GTF2E2: variants seen among roughly 807,000 people sequenced by gnomAD.
The protein encoded by GTF2E2 is transcription initiation factor IIE subunit beta.
Under a neutral mutation model 40.5 loss-of-function variants are expected in GTF2E2, and 21 were observed. The ratio of observed to expected loss-of-function variants is 0.52; its 90% CI spans 0.37 to 0.75. The LOEUF (loss-of-function observed/expected upper bound fraction) is 0.75. GTF2E2 is among the 30% of genes least tolerant of loss of function. The pLI is 0.00. For synonymous variants in GTF2E2, 117 were observed against 121.6 expected, an observed-to-expected ratio of 0.96 and a Z score of 0.25; for missense variants, 298 against 338.4, an observed-to-expected ratio of 0.88 and a Z score of 0.94.
At chr8:30,625,035 C>T (rs976515755) in intron 3 of GTF2E2, among the ~76,000 whole-genome samples, 47 of 151,848 alleles carry the variant, frequency 3.1e-4, no homozygotes, top group Admixed American at 2.7e-3. Flanking sequence ...CCAGAACTTC[C>T]AACACTATGT....
chr8:30,645,361 G>A, intron 2 of GTF2E2: 1 of 1,535,634 alleles, frequency 6.5e-7, no homozygotes, highest in Non-Finnish European at 8.7e-7. Context: ...TCAGTACCTT[G>A]GTTTTCAAGT....
chr8:30,653,302 C>T lies in GTF2E2; in HGVS notation c.166+131G>A. On this transcript the variant is annotated intron_variant, in intron 2 of 7. Coordinates refer to ENST00000355904, the MANE Select transcript of GTF2E2 (RefSeq NM_002095.6). ...ATCCTAAGAGCTTAAATTCTCTTGT[C>T]CCATCCTTTATATTCAACAAAGTGC... The T allele has an allele frequency of 4.4e-6, 3 of 681,028 alleles. No individual in the cohort carries two copies. The South Asian group carries it at 5.7e-5, about 13-fold the overall frequency. The allele number at this position is 681,028 out of a possible 1,614,324, so 42.2% of individuals were successfully genotyped here.
At chr8:30,615,794 T>C (rs909874974) in intron 3 of GTF2E2, among the ~76,000 whole-genome samples, 60 of 152,166 alleles carry the variant, frequency 3.9e-4, no homozygotes, top group African/African-American at 1.3e-3. Context: ...CTCTTACCAT[T>C]TGATCAATCT....
chr8:30,610,359 C>T (rs1389113822), intron 5 of GTF2E2, among the ~76,000 whole-genome samples: 1 of 149,106 alleles, frequency 6.7e-6, no homozygotes, highest in Non-Finnish European at 1.5e-5. Flanking sequence ...GGCAGGACTA[C>T]TGCTTGAACC....
chr8:30,609,823 G>A (rs1371459768), intron 5 of GTF2E2, among the ~76,000 whole-genome samples: 3 of 152,110 alleles, frequency 2.0e-5, no homozygotes, highest in African/African-American at 7.2e-5. Context: ...GTTCTCATGA[G>A]ATCTGGTCAT....
chr8:30,640,815 CT>C (rs1385514880), intron 2 of GTF2E2, among the ~76,000 whole-genome samples: 2 of 152,144 alleles, frequency 1.3e-5, no homozygotes, highest in Non-Finnish European at 2.9e-5. Flanking sequence ...TGAGATTCTC[CT>C]GCCTTGGCTT....
chr8:30,616,591 A>C (rs1436717390), intron 3 of GTF2E2, among the ~76,000 whole-genome samples: 3 of 152,110 alleles, frequency 2.0e-5, no homozygotes. Context: ...GTCATTATAC[A>C]CTTGTCCAAA....
intron 3 of GTF2E2, among the ~76,000 whole-genome samples, chr8:30,626,608 C>T (rs1161338266): frequency 2.6e-5 from 4 of 152,174 alleles, no homozygotes; most frequent in African/African-American, 4.8e-5. Context: ...TCTGACAGTG[C>T]AGCGTGATGA....
At position 30,578,715 on chromosome 8, in the gene GTF2E2, A is replaced by C. The variant is rs1463442692; in HGVS notation, c.*206T>G. On this transcript the variant is annotated 3_prime_UTR_variant, in exon 8 of 8. Coordinates refer to ENST00000355904, the MANE Select transcript of GTF2E2 (RefSeq NM_002095.6). ...CGCCTTTCTCCCAGGGAGTAACAGA[A>C]GGTTAACAGGGAACATCACATTGCC... is the stretch of plus-strand genomic sequence containing the variant. 2.2e-6 allele frequency: 1 copy of C among 460,674 alleles called. No individual in the cohort carries two copies. Among genetic ancestry groups the C allele is most frequent in the African/African-American group, 2.0e-5 (1 of 50,574 alleles). 28.5% of individuals were successfully genotyped at this position (460,674 alleles called of 1,614,324 possible). A position where few individuals can be genotyped will look rare whatever the true frequency, so the allele number is the denominator to read the frequency against.
chr8:30,582,024 A>G (rs1828528615), intron 6 of GTF2E2, among the ~76,000 whole-genome samples: 1 of 152,080 alleles, frequency 6.6e-6, no homozygotes. Context: ...AAATTTATTT[A>G]TTTTTGAGAC....
intron 3 of GTF2E2, among the ~76,000 whole-genome samples, chr8:30,620,928 T>TG (rs1334494237): frequency 2.0e-5 from 3 of 148,102 alleles, no homozygotes; most frequent in Admixed American, 6.7e-5. Flanking sequence ...TATTACATCT[T>TG]GGAAAAAAAA....
intron 6 of GTF2E2, among the ~76,000 whole-genome samples, chr8:30,594,507 G>A (rs908572922): frequency 1.3e-5 from 2 of 150,860 alleles, no homozygotes; most frequent in Non-Finnish European, 2.9e-5. Context: ...GCCTACAGTG[G>A]GTTTCTTATA....
intron 3 of GTF2E2, among the ~76,000 whole-genome samples, chr8:30,631,626 C>A (rs1226792107): frequency 2.0e-5 from 3 of 152,086 alleles, no homozygotes; most frequent in Non-Finnish European, 4.4e-5. Flanking sequence ...AATATTTCTA[C>A]CTTCTACTGA....
At chr8:30,612,700 C>A (rs1480810642) in intron 4 of GTF2E2, among the ~76,000 whole-genome samples, 1 of 152,092 alleles carries the variant, frequency 6.6e-6, no homozygotes, top group Non-Finnish European at 1.5e-5. Context: ...GTGCGCACCA[C>A]CACACCCAGC....
chr8:30,611,721 C>CA (rs1829481215), intron 5 of GTF2E2, among the ~76,000 whole-genome samples: 1 of 152,122 alleles, frequency 6.6e-6, no homozygotes, highest in Admixed American at 6.6e-5. Context: ...GAAGAAGAGA[C>CA]AAAGGGGCAA....
intron 2 of GTF2E2, among the ~76,000 whole-genome samples, chr8:30,649,252 A>G (rs1802195847): frequency 6.6e-6 from 1 of 152,134 alleles, no homozygotes; most frequent in South Asian, 2.1e-4. Context: ...ATTAACATCA[A>G]TAAAAATTAT....
rs202046355 is a variant in GTF2E2 at position 30,612,323 on chromosome 8, C to A, written c.525G>T (p.Leu175=). Reference sequence around the variant, plus strand: ...CCTTGACAGCTTTCTGGGAATTGGGCAGTGCTTCTTCTATGTCTTCTAAAA... The same window carrying A: ...CCTTGACAGCTTTCTGGGAATTGGGAAGTGCTTCTTCTATGTCTTCTAAAA... ...GILLEDIEEA[L]PNSQKAVKAL... is the part of the protein sequence containing the mutation. Residue 175 remains leucine (L), a synonymous_variant, in exon 5 of 8, where the codon CTG becomes CTT. Coordinates refer to ENST00000355904, the MANE Select transcript of GTF2E2 (RefSeq NM_002095.6). 1.5e-5 allele frequency: 24 copies of A among 1,610,594 alleles called. No homozygotes were observed. The Admixed American group carries it at 3.7e-4, about 25-fold the overall frequency.
chr8:30,600,947 C>T (rs534225585), intron 6 of GTF2E2, among the ~76,000 whole-genome samples: 1 of 152,336 alleles, frequency 6.6e-6, no homozygotes, highest in South Asian at 2.1e-4. Flanking sequence ...CGAAAATCTT[C>T]ACACAAAGCA....
chr8:30,652,289 C>T (rs62505313), intron 2 of GTF2E2, among the ~76,000 whole-genome samples: 1 of 152,050 alleles, frequency 6.6e-6, no homozygotes, highest in Non-Finnish European at 1.5e-5. Flanking sequence ...ATGACAAGCA[C>T]TTGCTTGGAG....
Sources: gnomAD v4.1 joint callset for allele counts (sites outside exome capture counted in the v4.1 genomes callset) on GRCh38, gnomAD v4.1.1 for gene constraint, MANE v1.5 for transcripts, NCBI Gene and HGNC (gene_info 2026-07-23, HGNC 2026-07-21) for gene names.